FBXL13: variants seen among roughly 807,000 people sequenced by gnomAD.
The protein encoded by FBXL13 is F-box and leucine rich repeat protein 13.
Under a neutral mutation model 83.6 loss-of-function variants are expected in FBXL13, and 67 were observed. The observed-to-expected ratio is 0.80, with a 90% CI of 0.66 to 0.98. FBXL13 has a LOEUF of 0.98. FBXL13 is among the 50% of genes least tolerant of loss of function. The pLI is 0.00. For missense variants in FBXL13, 822 were observed against 866.5 expected (o/e 0.95, Z 0.64); for synonymous variants, 272 against 299.5 (o/e 0.91, Z 0.95).
At chr7:103,001,273 T>C (rs1400574202) in intron 6 of FBXL13, among the ~76,000 whole-genome samples, 1 of 152,148 alleles carries the variant, frequency 6.6e-6, no homozygotes, top group Non-Finnish European at 1.5e-5. Context: ...GAATATCTTT[T>C]CCTATCACTT....
At chr7:102,991,506 T>A (rs887680554) in intron 6 of FBXL13, among the ~76,000 whole-genome samples, 1 of 152,122 alleles carries the variant, frequency 6.6e-6, no homozygotes, top group Non-Finnish European at 1.5e-5. Context: ...AAATGATTTA[T>A]AGGAAAGGAG....
At chr7:102,821,136 CAG>C (rs1798752038) in intron 19 of FBXL13, among the ~76,000 whole-genome samples, 1 of 152,172 alleles carries the variant, frequency 6.6e-6, no homozygotes, top group Non-Finnish European at 1.5e-5. Context: ...ACAAGTTTGG[CAG>C]AGACTCCTAG....
intron 6 of FBXL13, among the ~76,000 whole-genome samples, chr7:102,977,392 ATTG>A (rs1827628274): frequency 6.6e-6 from 1 of 152,332 alleles, no homozygotes; most frequent in Admixed American, 6.5e-5. Context: ...AATGTCTCCA[ATTG>A]TTGTCTTAAC....
At chr7:102,961,248 G>C (rs1388098876) in intron 8 of FBXL13, among the ~76,000 whole-genome samples, 3 of 144,416 alleles carry the variant, frequency 2.1e-5, no homozygotes, top group African/African-American at 7.9e-5. Flanking sequence ...GCTTCAAAGA[G>C]AATAAAATAC....
intron 16 of FBXL13, among the ~76,000 whole-genome samples, chr7:102,872,161 C>A (rs982772666): frequency 1.3e-5 from 2 of 152,180 alleles, no homozygotes; most frequent in Non-Finnish European, 2.9e-5. Context: ...CTGTGTTGGG[C>A]AGGCTGAATT....
At chr7:102,821,122 T>G (rs1301797896) in intron 19 of FBXL13, among the ~76,000 whole-genome samples, 1 of 152,246 alleles carries the variant, frequency 6.6e-6, no homozygotes, top group Non-Finnish European at 1.5e-5. Context: ...CTGTTAATAA[T>G]CTAACAAGTT....
intron 2 of FBXL13, among the ~76,000 whole-genome samples, chr7:103,034,907 A>G (rs1794924777): frequency 6.6e-6 from 1 of 152,238 alleles, no homozygotes; most frequent in Non-Finnish European, 1.5e-5. Flanking sequence ...AAAAAACACA[A>G]TCTTTCAAAT....
At chr7:102,824,109 G>A (rs1799215022) in intron 18 of FBXL13, among the ~76,000 whole-genome samples, 1 of 152,210 alleles carries the variant, frequency 6.6e-6, no homozygotes, top group South Asian at 2.1e-4. Context: ...AGCTCATGTT[G>A]TTCAATGACT....
At chr7:102,824,638 A>G (rs1158791729) in intron 18 of FBXL13, among the ~76,000 whole-genome samples, 2 of 152,086 alleles carry the variant, frequency 1.3e-5, no homozygotes, top group African/African-American at 4.8e-5. Context: ...GGTGCCCGCC[A>G]CCACGCCCAA....
chr7:102,900,351 GC>G (rs1812811641), intron 11 of FBXL13, among the ~76,000 whole-genome samples: 1 of 152,164 alleles, frequency 6.6e-6, no homozygotes. Context: ...ACAAATGCCA[GC>G]AAAAAGCATT....
Position 102,867,701 on chromosome 7 carries a change from T to A in FBXL13, c.1635+9766A>T, listed in dbSNP as rs201541192. ...TATATATATATATATATATATTTTT[T>A]TTTTTTTTTTTTTTTTTTTGAGACA... On this transcript the variant is annotated intron_variant, in intron 16 of 19. Transcript: ENST00000313221. Among the ~76,000 whole-genome samples, 177 of 94,414 alleles carry A rather than the reference T, an allele frequency of 1.9e-3. No individual in the cohort carries two copies. In the East Asian group the frequency reaches 0.028, roughly 15 times the overall value. 61.9% of individuals were successfully genotyped at this position (94,414 alleles called of 152,430 possible).
intron 16 of FBXL13, among the ~76,000 whole-genome samples, chr7:102,858,423 G>T (rs1274312115): frequency 6.6e-6 from 1 of 152,178 alleles, no homozygotes; most frequent in East Asian, 1.9e-4. Flanking sequence ...CAAGAAACTA[G>T]AAGAGAGGAT....
chr7:103,025,027 A>G, intron 6 of FBXL13, 36 bp downstream of exon 7: 1 of 1,521,888 alleles, frequency 6.6e-7, no homozygotes, highest in Non-Finnish European at 8.9e-7. Context: ...CACTTGGCAG[A>G]TTATAGTATA....
chr7:102,816,722 G>T (rs1465681422), intron 19 of FBXL13, among the ~76,000 whole-genome samples: 4 of 152,170 alleles, frequency 2.6e-5, no homozygotes, highest in African/African-American at 9.7e-5. Context: ...GCCAAATAGT[G>T]AACATAATGC....
exon 14 of FBXL13, chr7:102,883,447 C>G: frequency 6.2e-7 from 1 of 1,610,014 alleles, no homozygotes; most frequent in Non-Finnish European, 8.5e-7. Flanking sequence ...TTGAAGGATG[C>G]ATCAGTAACC....
At chr7:102,926,433 C>T in intron 9 of FBXL13, 59 bp from the exon 11 acceptor site, 1 of 1,332,544 alleles carries the variant, frequency 7.5e-7, no homozygotes. Flanking sequence ...GCAATTTCCC[C>T]ATTATCTTTC....
chr7:102,959,007 A>G (rs977393532), intron 8 of FBXL13, among the ~76,000 whole-genome samples: 28 of 152,144 alleles, frequency 1.8e-4, no homozygotes, highest in Non-Finnish European at 3.2e-4. Context: ...CAACATTGCA[A>G]AAAAGGTCCT....
intron 11 of FBXL13, among the ~76,000 whole-genome samples, chr7:102,889,189 AG>A (rs1342491874): frequency 3.9e-5 from 6 of 152,168 alleles, no homozygotes; most frequent in Non-Finnish European, 1.5e-5. Flanking sequence ...GATTCAGAGA[AG>A]TTGTGTGATC....
rs150523737 is a variant in FBXL13 at position 102,889,512 on chromosome 7, A to T, written c.1009-5200T>A. ...GTGCCATGTTGGTTTGCTGCACCCA[A>T]CAACTCGTCATTTACATTAGGTATT... On this transcript the variant is annotated intron_variant, in intron 11 of 19. Transcript: ENST00000313221. 3.8e-3 allele frequency among the ~76,000 whole-genome samples: 577 copies of T among 152,198 alleles called. 5 individuals carry two copies. The highest frequency in any genetic ancestry group is 0.014 in the African/African-American group (570 of 41,534).
Sources: allele counts gnomAD v4.1 joint callset (sites outside exome capture counted in the v4.1 genomes callset), GRCh38; gene constraint gnomAD v4.1.1; transcripts MANE v1.5; gene names NCBI Gene and HGNC (gene_info 2026-07-23, HGNC 2026-07-21).